Variants in VCF1 observed in about 807,000 individuals in gnomAD.
VCF1 encodes VCP nuclear cofactor family member 1.
chr17:73,225,882 A>AATAT, the VCF1 span, among the ~76,000 whole-genome samples: 28 of 74,700 alleles, frequency 3.7e-4, no homozygotes, highest in Non-Finnish European at 4.4e-4. Flanking sequence ...ATATATATAT[A>AATAT]ATATATATAT....
the VCF1 span, among the ~76,000 whole-genome samples, chr17:73,218,736 A>G: frequency 2.6e-5 from 4 of 151,622 alleles, no homozygotes; most frequent in Non-Finnish European, 5.9e-5. Context: ...AATACAAAAA[A>G]TGGCCAGGCG....
At chr17:73,210,242 G>A in the VCF1 span, among the ~76,000 whole-genome samples, 2 of 152,146 alleles carry the variant, frequency 1.3e-5, no homozygotes, top group African/African-American at 2.4e-5. Flanking sequence ...AAAAGCCTAT[G>A]CCAATTTTGT....
chr17:73,214,156 G>A, the VCF1 span, among the ~76,000 whole-genome samples: 4 of 152,214 alleles, frequency 2.6e-5, no homozygotes, highest in East Asian at 1.9e-4. Context: ...ACCAATGATA[G>A]TGTTAAACTA....
At chr17:73,217,605 G>C in the VCF1 span, among the ~76,000 whole-genome samples, 1 of 149,304 alleles carries the variant, frequency 6.7e-6, no homozygotes, top group African/African-American at 2.5e-5. Context: ...AGCTGAGATC[G>C]TGCCATTGCA....
At chr17:73,230,099 C>A in the VCF1 span, among the ~76,000 whole-genome samples, 1 of 152,000 alleles carries the variant, frequency 6.6e-6, no homozygotes, top group Non-Finnish European at 1.5e-5. Flanking sequence ...GAGTTCAAGA[C>A]CAGCCTGGGC....
chr17:73,212,108 T>C, the VCF1 span, among the ~76,000 whole-genome samples: 1 of 152,226 alleles, frequency 6.6e-6, no homozygotes, highest in Admixed American at 6.5e-5. Context: ...TGCTTGACTT[T>C]TTCTACACTT....
the VCF1 span, among the ~76,000 whole-genome samples, chr17:73,222,257 G>A: frequency 6.6e-6 from 1 of 150,986 alleles, no homozygotes; most frequent in African/African-American, 2.4e-5. Context: ...GTATTCTAAG[G>A]CTCATAAGTC....
chr17:73,215,644 C>A, the VCF1 span, among the ~76,000 whole-genome samples: 1 of 152,220 alleles, frequency 6.6e-6, no homozygotes, highest in Admixed American at 6.5e-5. Flanking sequence ...GAAGGTGCAG[C>A]TTGTTCTCAC....
At chr17:73,209,408 T>C in the VCF1 span, 48 of 1,248,588 alleles carry the variant, frequency 3.8e-5, no homozygotes, top group East Asian at 1.0e-4. Context: ...ATTTCAAATA[T>C]AGACTGAAAA....
At chr17:73,208,052 C>T in the VCF1 span, 1 of 1,374,852 alleles carries the variant, frequency 7.3e-7, no homozygotes, top group African/African-American at 1.5e-5. Flanking sequence ...ATTAGGTTAG[C>T]AGGCTGTGGA....
the VCF1 span, among the ~76,000 whole-genome samples, chr17:73,217,352 C>CAA: frequency 7.3e-6 from 1 of 136,664 alleles, no homozygotes; most frequent in African/African-American, 2.8e-5. Context: ...GACTGTATCT[C>CAA]AATTAAAAAA....
At chr17:73,218,185 C>A in the VCF1 span, among the ~76,000 whole-genome samples, 1 of 152,140 alleles carries the variant, frequency 6.6e-6, no homozygotes, top group African/African-American at 2.4e-5. Context: ...AAGAGATGAT[C>A]CCAGCCAAGT....
the VCF1 span, among the ~76,000 whole-genome samples, chr17:73,211,528 A>G: frequency 1.3e-5 from 2 of 148,548 alleles, no homozygotes; most frequent in African/African-American, 5.0e-5. Context: ...AGATCGCGCC[A>G]TTGCACCCAG....
the VCF1 span, chr17:73,212,873 T>C: frequency 1.9e-6 from 1 of 525,124 alleles, no homozygotes; most frequent in African/African-American, 2.0e-5. Flanking sequence ...TTAAACAGAT[T>C]AGGGAAGATT....
chr17:73,208,729 G>A, the VCF1 span: 3 of 472,154 alleles, frequency 6.4e-6, no homozygotes, highest in African/African-American at 3.9e-5. Flanking sequence ...AATTGTCAAT[G>A]AGATCATGTA....
At chr17:73,207,885 C>T in the VCF1 span, 1 of 1,186,466 alleles carries the variant, frequency 8.4e-7, no homozygotes, top group Non-Finnish European at 1.1e-6. Context: ...CCATTAAGAT[C>T]TAAAATCCTT....
the VCF1 span, chr17:73,208,100 C>T: frequency 4.8e-6 from 7 of 1,446,554 alleles, no homozygotes; most frequent in Non-Finnish European, 6.4e-6. Flanking sequence ...CAAGACAGTC[C>T]TCATTTCCAA....
At chr17:73,232,118 C>A in the VCF1 span, 2 of 1,609,526 alleles carry the variant, frequency 1.2e-6, no homozygotes, top group East Asian at 2.2e-5. Flanking sequence ...TGGCAGCTGG[C>A]GGATGGAAGC....
the VCF1 span, chr17:73,229,568 T>A: frequency 1.0e-6 from 1 of 985,290 alleles, no homozygotes; most frequent in Non-Finnish European, 1.2e-6. Context: ...GGCATAGAAA[T>A]AATCTTAAGA....
Sources: allele counts gnomAD v4.1 joint callset (sites outside exome capture counted in the v4.1 genomes callset), GRCh38; gene constraint gnomAD v4.1.1; transcripts MANE v1.5; gene names NCBI Gene and HGNC (gene_info 2026-07-23, HGNC 2026-07-21).